Variants in USP32 observed in about 807,000 individuals in gnomAD.
The protein encoded by USP32 is ubiquitin carboxyl-terminal hydrolase 32.
USP32 carries 59 observed loss-of-function variants against 204.8 expected under a neutral mutation model. The ratio of observed to expected loss-of-function variants is 0.29; its 90% CI spans 0.23 to 0.36. USP32 has a LOEUF of 0.36. Among genes scored for constraint, USP32 ranks in the 10% least tolerant of loss-of-function variants. USP32 has a pLI of 1.00. For missense variants in USP32, 1,160 were observed against 1,946.4 expected, an observed-to-expected ratio of 0.60 and a Z score of 7.60; for synonymous variants, 517 against 678.4, an observed-to-expected ratio of 0.76 and a Z score of 3.70.
intron 27 of USP32, among the ~76,000 whole-genome samples, chr17:60,194,808 T>C (rs764028088): frequency 7.2e-5 from 11 of 152,168 alleles, no homozygotes; most frequent in Non-Finnish European, 1.5e-4. Flanking sequence ...TATTCGAACA[T>C]CCCTATTCTA....
chr17:60,234,718 A>G (rs182050119), intron 12 of USP32, among the ~76,000 whole-genome samples: 116 of 151,938 alleles, frequency 7.6e-4, no homozygotes, highest in Admixed American at 3.4e-3. Flanking sequence ...CGACAAAAGC[A>G]AGACTCCGTC....
chr17:60,194,549 C>T lies in USP32; in HGVS notation c.3435-1619G>A, dbSNP rs563251785. 2.6e-5 allele frequency among the ~76,000 whole-genome samples: 4 copies of T among 152,246 alleles called. No individual in the cohort carries two copies. The East Asian group carries it at 5.8e-4, about 22-fold the overall frequency. ...CTTTACTCACTAAAGATTGCAGCACCCAGTTCACTGTGTTTTTTCTCCACC... is the reference window on the plus strand; with the variant it reads ...CTTTACTCACTAAAGATTGCAGCACTCAGTTCACTGTGTTTTTTCTCCACC... On this transcript the variant is annotated intron_variant, in intron 27 of 33. Transcript: ENST00000300896.
At chr17:60,205,086 C>G (rs1161824300) in intron 26 of USP32, among the ~76,000 whole-genome samples, 1 of 152,042 alleles carries the variant, frequency 6.6e-6, no homozygotes, top group Admixed American at 6.6e-5. Flanking sequence ...AGCCACTGCA[C>G]CCGGCCAGGA....
chr17:60,199,508 C>G (rs1444590295), intron 26 of USP32, among the ~76,000 whole-genome samples: 1 of 152,082 alleles, frequency 6.6e-6, no homozygotes, highest in African/African-American at 2.4e-5. Context: ...TCTAAAGCTG[C>G]TGAACCTTTG....
At chr17:60,411,809 A>G (rs1048371096) in intron 1 of USP32, among the ~76,000 whole-genome samples, 1 of 152,148 alleles carries the variant, frequency 6.6e-6, no homozygotes, top group Non-Finnish European at 1.5e-5. Context: ...TGTAGTATAT[A>G]TGAGGATTTC....
At chr17:60,237,304 ATTT>A (rs34988306) in intron 11 of USP32, among the ~76,000 whole-genome samples, 16 of 130,986 alleles carry the variant, frequency 1.2e-4, no homozygotes, top group African/African-American at 1.7e-4. Context: ...TGCCCAGCTA[ATTT>A]TTTTTTTTTT....
intron 1 of USP32, among the ~76,000 whole-genome samples, chr17:60,376,643 C>T (rs1286207703): frequency 6.6e-6 from 1 of 151,958 alleles, no homozygotes; most frequent in African/African-American, 2.4e-5. Context: ...CCTGCCTTAG[C>T]CTCCCAAGTA....
intron 32 of USP32, 40 bp from the exon 33 acceptor site, chr17:60,180,677 C>T: frequency 6.3e-7 from 1 of 1,592,718 alleles, no homozygotes; most frequent in Non-Finnish European, 8.6e-7. Flanking sequence ...TAGCAGTTAA[C>T]TGTACTATGG....
chr17:60,367,093 C>T (rs2089332955), intron 1 of USP32, among the ~76,000 whole-genome samples: 2 of 152,198 alleles, frequency 1.3e-5, no homozygotes, highest in South Asian at 4.1e-4. Flanking sequence ...TCCCAAAGTG[C>T]TGGGATTACA....
chr17:60,342,076 C>A (rs1166022765), intron 2 of USP32, among the ~76,000 whole-genome samples: 1 of 152,152 alleles, frequency 6.6e-6, no homozygotes, highest in Non-Finnish European at 1.5e-5. Flanking sequence ...TGGTGACCCC[C>A]AGATGGGATT....
chr17:60,318,906 A>G (rs148019639), intron 2 of USP32, among the ~76,000 whole-genome samples: 17 of 152,374 alleles, frequency 1.1e-4, no homozygotes, highest in African/African-American at 3.8e-4. Context: ...GATATTATTC[A>G]GTCATAAAAA....
intron 1 of USP32, among the ~76,000 whole-genome samples, chr17:60,403,863 G>A (rs932418389): frequency 1.3e-5 from 2 of 151,936 alleles, no homozygotes; most frequent in Admixed American, 6.6e-5. Context: ...AACATAGTGA[G>A]ACTCTATGTC....
chr17:60,327,716 A>T (rs2088278744), intron 2 of USP32, among the ~76,000 whole-genome samples: 1 of 152,170 alleles, frequency 6.6e-6, no homozygotes, highest in South Asian at 2.1e-4. Context: ...CTGCACCCTC[A>T]GGGGTCCGGG....
At chr17:60,201,028 C>T (rs1477385032) in intron 26 of USP32, among the ~76,000 whole-genome samples, 3 of 152,038 alleles carry the variant, frequency 2.0e-5, no homozygotes, top group Admixed American at 6.6e-5. Flanking sequence ...TGGCTAATTT[C>T]TGTATTTTCT....
intron 11 of USP32, among the ~76,000 whole-genome samples, chr17:60,240,670 A>T (rs1052563027): frequency 6.6e-6 from 1 of 152,178 alleles, no homozygotes; most frequent in Non-Finnish European, 1.5e-5. Context: ...GGGTCTTATA[A>T]GGTCTTTTCT....
intron 1 of USP32, among the ~76,000 whole-genome samples, chr17:60,412,362 G>A (rs554108318): frequency 2.0e-5 from 3 of 151,940 alleles, no homozygotes; most frequent in South Asian, 2.1e-4. Context: ...AAAATTGGCC[G>A]GGTATGTGAT....
intron 2 of USP32, among the ~76,000 whole-genome samples, chr17:60,340,864 G>A (rs1158807999): frequency 2.6e-5 from 4 of 152,098 alleles, no homozygotes; most frequent in African/African-American, 9.7e-5. Context: ...AGGCAGGCCT[G>A]GTGGTGACAA....
intron 3 of USP32, among the ~76,000 whole-genome samples, chr17:60,297,895 G>T (rs181110013): frequency 1.3e-5 from 2 of 152,118 alleles, no homozygotes; most frequent in Admixed American, 6.5e-5. Flanking sequence ...TCCACAAGCC[G>T]TAACTACAGC....
At chr17:60,299,776 G>A (rs78975773) in intron 3 of USP32, among the ~76,000 whole-genome samples, 221 of 152,312 alleles carry the variant, frequency 1.5e-3, no homozygotes, top group African/African-American at 5.1e-3. Context: ...TAAACTGGGT[G>A]CTTATAAATA....
Sources: gnomAD v4.1 joint callset for allele counts (sites outside exome capture counted in the v4.1 genomes callset) on GRCh38, gnomAD v4.1.1 for gene constraint, MANE v1.5 for transcripts, NCBI Gene and HGNC (gene_info 2026-07-23, HGNC 2026-07-21) for gene names.